Variants in PM20D2 observed in about 807,000 individuals in gnomAD.
PM20D2 encodes xaa-Arg dipeptidase.
In PM20D2, 33 loss-of-function variants were observed where a neutral mutation model predicts 42.9. The observed-to-expected ratio is 0.77, with a 90% confidence interval of 0.58 to 1.03. The LOEUF (loss-of-function observed/expected upper bound fraction) is 1.03, where lower values mean the gene tolerates loss of function less well. Among genes scored for constraint, PM20D2 ranks in the 50% least tolerant of loss-of-function variants. PM20D2 has a pLI of 0.00. For missense variants in PM20D2, 548 were observed against 557.0 expected (o/e 0.98, Z 0.16); for synonymous variants, 250 against 228.2 (o/e 1.10, Z -0.86).
chr6:89,129,414 T>C, the PM20D2 span, among the ~76,000 whole-genome samples: 2 of 152,134 alleles, frequency 1.3e-5, no homozygotes. Context: ...AGCTCAGGAA[T>C]TTGAGGCTGC....
At chr6:89,148,205 C>T (rs1391711139) in intron 1 of PM20D2, among the ~76,000 whole-genome samples, 2 of 151,916 alleles carry the variant, frequency 1.3e-5, no homozygotes, top group South Asian at 2.1e-4. Context: ...TATCGAACTC[C>T]GGATCTCGGG....
chr6:89,146,453 A>G lies in PM20D2; in HGVS notation c.309A>G (p.Pro103=), dbSNP rs2127772660. The change falls in exon 1 of 7, where the codon CCA becomes CCG. Residue 103 remains proline (P), a synonymous_variant. Transcript: ENST00000275072. ...PPEARAPSAT[P]RPLHLGFLCE... Reference sequence around the variant, plus strand: ...AGGCCCGGGCACCGAGCGCCACGCCACGCCCGCTGCACCTGGGCTTCCTCT... The same window carrying G: ...AGGCCCGGGCACCGAGCGCCACGCCGCGCCCGCTGCACCTGGGCTTCCTCT... The G allele has an allele frequency of 6.6e-7, 1 of 1,523,114 alleles. No individual in the cohort carries two copies. The highest frequency in any genetic ancestry group is 8.8e-7 in the Non-Finnish European group (1 of 1,142,634). The allele number at this position is 1,523,114 out of a possible 1,614,324, so 94.3% of individuals were successfully genotyped here. A position where few individuals can be genotyped will look rare whatever the true frequency, so the allele number is the denominator to read the frequency against.
rs1030649821 is a variant in PM20D2 at position 89,162,283 on chromosome 6, T to A, written c.*20T>A. 9 of 1,586,170 alleles carry A rather than the reference T, an allele frequency of 5.7e-6. No individual in the cohort carries two copies. Among genetic ancestry groups the A allele is most frequent in the South Asian group, 1.2e-5 (1 of 86,404 alleles). On this transcript the variant is annotated 3_prime_UTR_variant, in exon 7 of 7. Transcript: ENST00000275072. Reference sequence around the variant, plus strand: ...GAATAAAAGACTTAGGGGCCACTTATAAATCAAGAAGACGTGATGATTTTT... The same window carrying A: ...GAATAAAAGACTTAGGGGCCACTTAAAAATCAAGAAGACGTGATGATTTTT...
At chr6:89,154,662 A>C (rs1462362695) in intron 3 of PM20D2, 86 bp from the exon 4 acceptor site, 3 of 950,018 alleles carry the variant, frequency 3.2e-6, no homozygotes, top group Non-Finnish European at 4.5e-6. Flanking sequence ...CTTTATGAAC[A>C]TATTGGCTGA....
the PM20D2 span, among the ~76,000 whole-genome samples, chr6:89,113,536 T>A: frequency 6.6e-6 from 1 of 152,150 alleles, no homozygotes; most frequent in Non-Finnish European, 1.5e-5. Flanking sequence ...CTCGAACTCC[T>A]GACCTCAAGT....
chr6:89,116,774 T>TAAA, the PM20D2 span, among the ~76,000 whole-genome samples: 2 of 135,112 alleles, frequency 1.5e-5, no homozygotes, highest in Admixed American at 7.5e-5. Flanking sequence ...AGACTTTGTC[T>TAAA]AAAAAAAAAA....
At chr6:89,103,336 T>C in the PM20D2 span, among the ~76,000 whole-genome samples, 5 of 151,942 alleles carry the variant, frequency 3.3e-5, no homozygotes, top group Admixed American at 2.0e-4. Flanking sequence ...AAATTCTTTT[T>C]TTTTTTTTTT....
At chr6:89,107,542 C>A in the PM20D2 span, among the ~76,000 whole-genome samples, 1 of 152,172 alleles carries the variant, frequency 6.6e-6, no homozygotes, top group African/African-American at 2.4e-5. Context: ...CCAGCCTGGG[C>A]AACATGGTGA....
intron 3 of PM20D2, among the ~76,000 whole-genome samples, 155 bp downstream of exon 3, chr6:89,153,340 A>G (rs140556329): frequency 3.2e-3 from 483 of 152,314 alleles, no homozygotes; most frequent in Non-Finnish European, 4.7e-3. Flanking sequence ...TTCATGTGAC[A>G]GGATACTAAG....
Position 89,153,092 on chromosome 6 carries a change from T to C in PM20D2, c.664T>C (p.Trp222Arg). ...GKASHSASYP[W>R]EGLNALDAAV... ...AGCATCTCATTCTGCTTCTTATCCCTGGGAAGGATTAAATGCATTAGATGC... is the reference window on the plus strand; with the variant it reads ...AGCATCTCATTCTGCTTCTTATCCCCGGGAAGGATTAAATGCATTAGATGC... Residue 222 changes from tryptophan (W) to arginine (R), a missense_variant, in exon 3 of 7, where the codon TGG (tryptophan) becomes CGG (arginine). Physicochemically the swap from Trp to Arg is moderately radical, Grantham distance 101. Coordinates refer to ENST00000275072, the MANE Select transcript of PM20D2 (RefSeq NM_001010853.3). 4 of 1,610,538 alleles carry C rather than the reference T, an allele frequency of 2.5e-6. No individual in the cohort carries two copies. The highest frequency in any genetic ancestry group is 3.3e-5 in the Admixed American group (2 of 59,714).
the PM20D2 span, among the ~76,000 whole-genome samples, chr6:89,108,812 A>G: frequency 6.6e-6 from 1 of 152,218 alleles, no homozygotes; most frequent in South Asian, 2.1e-4. Context: ...GTGTATTAAT[A>G]TAATTATTAG....
intron 1 of PM20D2, among the ~76,000 whole-genome samples, chr6:89,147,979 CTTTTTTT>C (rs397888770): frequency 1.1e-5 from 1 of 95,176 alleles, no homozygotes; most frequent in African/African-American, 4.3e-5. Flanking sequence ...AATGTACACT[CTTTTTTT>C]TTTTTTTTTT....
At chr6:89,112,097 TC>T in the PM20D2 span, among the ~76,000 whole-genome samples, 3 of 151,994 alleles carry the variant, frequency 2.0e-5, no homozygotes, top group East Asian at 3.9e-4. Flanking sequence ...AACCTCCTCC[TC>T]CCCGGTTCAA....
the PM20D2 span, among the ~76,000 whole-genome samples, chr6:89,102,701 T>C: frequency 6.6e-6 from 1 of 152,212 alleles, no homozygotes; most frequent in South Asian, 2.1e-4. Flanking sequence ...CATTCCTTGA[T>C]ATAAAGTTAA....
the PM20D2 span, among the ~76,000 whole-genome samples, chr6:89,119,734 CAT>C: frequency 3.3e-5 from 5 of 152,362 alleles, no homozygotes; most frequent in South Asian, 4.1e-4. Context: ...TGGCCCCACA[CAT>C]GTTTTGGCTG....
the PM20D2 span, among the ~76,000 whole-genome samples, chr6:89,104,959 G>A: frequency 1.3e-5 from 2 of 152,062 alleles, no homozygotes. Flanking sequence ...GGGAGGCTGA[G>A]GTGAGAAAAT....
chr6:89,103,821 AAAAT>A, the PM20D2 span, among the ~76,000 whole-genome samples: 1 of 152,326 alleles, frequency 6.6e-6, no homozygotes, highest in East Asian at 1.9e-4. Flanking sequence ...CCTGGCTAGC[AAAAT>A]AAATAACTTG....
chr6:89,140,941 G>T, the PM20D2 span, among the ~76,000 whole-genome samples: 2 of 152,168 alleles, frequency 1.3e-5, no homozygotes, highest in African/African-American at 4.8e-5. Context: ...AGGTATTTTT[G>T]CTCATTCCCT....
the PM20D2 span, among the ~76,000 whole-genome samples, chr6:89,114,881 C>T: frequency 6.6e-6 from 1 of 151,692 alleles, no homozygotes; most frequent in African/African-American, 2.4e-5. Context: ...ACTGCAACCT[C>T]CACCTCCCGG....
Sources: gnomAD v4.1 joint callset for allele counts (sites outside exome capture counted in the v4.1 genomes callset) on GRCh38, gnomAD v4.1.1 for gene constraint, MANE v1.5 for transcripts, NCBI Gene and HGNC (gene_info 2026-07-23, HGNC 2026-07-21) for gene names.